RAB3GAP2: variants seen among roughly 807,000 people sequenced by gnomAD.
RAB3GAP2 encodes RAB3 GTPase activating non-catalytic protein subunit 2.
In RAB3GAP2, 87 loss-of-function variants were observed where a neutral mutation model predicts 185.3. The ratio of observed to expected loss-of-function variants is 0.47; its 90% CI spans 0.39 to 0.56. RAB3GAP2 has a LOEUF of 0.56. Among genes scored for constraint, RAB3GAP2 ranks in the 20% least tolerant of loss-of-function variants. RAB3GAP2 has a pLI of 0.00. For missense variants in RAB3GAP2, 1,492 were observed against 1,638.2 expected, an observed-to-expected ratio of 0.91 and a Z score of 1.54; for synonymous variants, 554 against 576.1, an observed-to-expected ratio of 0.96 and a Z score of 0.55.
chr1:220,157,766 A>C (rs755405557), intron 30 of RAB3GAP2, 36 bp downstream of exon 30: 7 of 1,500,086 alleles, frequency 4.7e-6, no homozygotes, highest in Non-Finnish European at 6.5e-6. Context: ...GTAATATCTT[A>C]GGAGCAGTTC....
rs755120340 is a variant in RAB3GAP2, at chr1:220,153,336, T to A, written c.3716A>T (p.Glu1239Val). The A allele has an allele frequency of 6.2e-7, 1 of 1,614,238 alleles. No individual in the cohort carries two copies. Among genetic ancestry groups the A allele is most frequent in the Admixed American group, 1.7e-5 (1 of 60,028 alleles). ...HSATKVKDPT[E>V]EATPTPFGKD... ...CCCAAAAGGAGTGGGTGTGGCCTCT[T>A]CTGTGGGATCTTTGACCTTTGTGGC... Residue 1239 changes from glutamate (E) to valine (V), a missense_variant, in exon 33 of 35, where the codon GAA (glutamate) becomes GTA (valine). Glu to Val is a moderately radical substitution (Grantham distance 121). Around this residue, in one of 5 missense-constraint regions of RAB3GAP2, gnomAD observed 387 missense variants for 455.3 expected, o/e 0.85. Coordinates refer to ENST00000358951, the MANE Select transcript of RAB3GAP2 (RefSeq NM_012414.4).
intron 1 of RAB3GAP2, among the ~76,000 whole-genome samples, chr1:220,236,112 T>C (rs1158818754): frequency 6.6e-6 from 1 of 152,232 alleles, no homozygotes; most frequent in Non-Finnish European, 1.5e-5. Flanking sequence ...TTCCAAATTA[T>C]AGTCACCTTA....
intron 1 of RAB3GAP2, among the ~76,000 whole-genome samples, chr1:220,245,403 TGA>T (rs1659786467): frequency 6.6e-6 from 1 of 152,152 alleles, no homozygotes; most frequent in South Asian, 2.1e-4. Context: ...AAGAAAGTGG[TGA>T]CGGAAGCACC....
chr1:220,170,355 G>A (rs553740104), intron 24 of RAB3GAP2, among the ~76,000 whole-genome samples: 5 of 151,934 alleles, frequency 3.3e-5, no homozygotes, highest in South Asian at 2.1e-4. Context: ...ACCATGGCAC[G>A]TGTATACCTA....
chr1:220,222,835 G>A (rs1482504081), intron 2 of RAB3GAP2, among the ~76,000 whole-genome samples: 2 of 151,910 alleles, frequency 1.3e-5, no homozygotes, highest in Non-Finnish European at 1.5e-5. Context: ...CAGAACCCCT[G>A]AAAGTTAATA....
intron 9 of RAB3GAP2, among the ~76,000 whole-genome samples, chr1:220,199,287 G>C (rs1301918650): frequency 6.6e-6 from 1 of 152,176 alleles, no homozygotes; most frequent in Admixed American, 6.5e-5. Flanking sequence ...TGAGGCTTCA[G>C]CAAGAGGTCA....
At chr1:220,177,369 G>T (rs1658311842) in intron 21 of RAB3GAP2, among the ~76,000 whole-genome samples, 1 of 152,202 alleles carries the variant, frequency 6.6e-6, no homozygotes, top group African/African-American at 2.4e-5. Flanking sequence ...AGACTGTGAA[G>T]ACTAAAGTAC....
At chr1:220,238,482 G>A (rs1414773302) in intron 1 of RAB3GAP2, among the ~76,000 whole-genome samples, 1 of 152,114 alleles carries the variant, frequency 6.6e-6, no homozygotes, top group Non-Finnish European at 1.5e-5. Context: ...ATTTCTTACT[G>A]CCTCGGCTTC....
intron 1 of RAB3GAP2, chr1:220,266,531 G>A: frequency 1.5e-6 from 1 of 649,834 alleles, no homozygotes; most frequent in East Asian, 2.9e-5. Flanking sequence ...CATGTTTATT[G>A]ATGTGGAGCT....
At chr1:220,184,614 C>T (rs1658475675) in intron 18 of RAB3GAP2, among the ~76,000 whole-genome samples, 1 of 152,004 alleles carries the variant, frequency 6.6e-6, no homozygotes, top group East Asian at 1.9e-4. Context: ...TTCTTATAGC[C>T]ATAATAAAAC....
At chr1:220,177,834 A>ATAT (rs1372080088) in intron 21 of RAB3GAP2, among the ~76,000 whole-genome samples, 5 of 152,166 alleles carry the variant, frequency 3.3e-5, no homozygotes, top group African/African-American at 1.2e-4. Flanking sequence ...CAAAAGAGCA[A>ATAT]ATATTGGGGT....
chr1:220,234,307 C>G (rs1036876811), intron 1 of RAB3GAP2, among the ~76,000 whole-genome samples: 2 of 152,178 alleles, frequency 1.3e-5, no homozygotes, highest in African/African-American at 4.8e-5. Context: ...TGGGACTGAT[C>G]CTGATGGCTT....
chr1:220,262,488 A>T (rs1351084501), intron 1 of RAB3GAP2, among the ~76,000 whole-genome samples: 1 of 152,140 alleles, frequency 6.6e-6, no homozygotes, highest in Non-Finnish European at 1.5e-5. Context: ...CCCTTTCCTC[A>T]GCCTCTGGTA....
At chr1:220,241,037 T>C (rs1202371875) in intron 1 of RAB3GAP2, among the ~76,000 whole-genome samples, 2 of 152,106 alleles carry the variant, frequency 1.3e-5, no homozygotes, top group East Asian at 3.9e-4. Context: ...AAACATATTT[T>C]AATCAATCAT....
chr1:220,194,191 G>A (rs1354104920), intron 12 of RAB3GAP2, among the ~76,000 whole-genome samples: 2 of 151,034 alleles, frequency 1.3e-5, no homozygotes, highest in Admixed American at 1.3e-4. Context: ...AATAAAAAAT[G>A]ATTTTAAAAC....
chr1:220,233,437 C>A (rs1358063076), intron 1 of RAB3GAP2, among the ~76,000 whole-genome samples: 1 of 152,120 alleles, frequency 6.6e-6, no homozygotes, highest in Non-Finnish European at 1.5e-5. Flanking sequence ...AACAACAATG[C>A]AACAAGGAAT....
chr1:220,186,907 T>C (rs1469327753), intron 17 of RAB3GAP2, among the ~76,000 whole-genome samples: 1 of 152,214 alleles, frequency 6.6e-6, no homozygotes, highest in East Asian at 1.9e-4. Context: ...GATTTCTCAA[T>C]ATGCCTCTCT....
intron 9 of RAB3GAP2, among the ~76,000 whole-genome samples, chr1:220,199,558 C>T (rs756794520): frequency 1.2e-4 from 18 of 152,046 alleles, no homozygotes; most frequent in Admixed American, 2.6e-4. Flanking sequence ...ATGTACATTC[C>T]CAGCTTCCTC....
chr1:220,175,930 A>G (rs1658279932), intron 21 of RAB3GAP2, among the ~76,000 whole-genome samples: 1 of 152,234 alleles, frequency 6.6e-6, no homozygotes, highest in Non-Finnish European at 1.5e-5. Context: ...ATAGGAGATC[A>G]GTATAAAATA....
Sources: allele counts gnomAD v4.1 joint callset (sites outside exome capture counted in the v4.1 genomes callset), GRCh38; gene constraint gnomAD v4.1.1; regional missense constraint gnomAD v4.1.1; transcripts MANE v1.5; gene names NCBI Gene and HGNC (gene_info 2026-07-23, HGNC 2026-07-21).